Variants in PDE1C observed in about 807,000 individuals in gnomAD.
The protein encoded by PDE1C is dual specificity calcium/calmodulin-dependent 3',5'-cyclic nucleotide phosphodiesterase 1C.
A neutral mutation model predicts 93.1 loss-of-function variants in PDE1C; 62 were observed. That is an observed-to-expected ratio of 0.67 (90% CI 0.54 to 0.82). PDE1C has a LOEUF of 0.82. PDE1C is among the 40% of genes least tolerant of loss of function. The pLI is 0.00. For missense variants in PDE1C, 742 were observed against 884.6 expected (o/e 0.84, Z 2.04); for synonymous variants, 325 against 310.1 (o/e 1.05, Z -0.50).
At chr7:31,624,999 G>T in the PDE1C span, among the ~76,000 whole-genome samples, 1 of 152,190 alleles carries the variant, frequency 6.6e-6, no homozygotes, top group South Asian at 2.1e-4. Flanking sequence ...AGACATTTAT[G>T]CAGTCAAAAA....
chr7:32,256,137 G>C (rs1585037329), intron 1 of PDE1C, among the ~76,000 whole-genome samples: 1 of 152,292 alleles, frequency 6.6e-6, no homozygotes. Flanking sequence ...TAGTTCCAGT[G>C]TGTTTTGCCA....
intron 3 of PDE1C, among the ~76,000 whole-genome samples, chr7:32,123,897 G>A (rs1046472730): frequency 1.3e-5 from 2 of 152,128 alleles, no homozygotes; most frequent in South Asian, 2.1e-4. Flanking sequence ...ATTCAAATAC[G>A]AAGCAAGGAA....
intron 3 of PDE1C, among the ~76,000 whole-genome samples, chr7:32,095,181 A>G (rs1432383142): frequency 6.6e-6 from 1 of 152,250 alleles, no homozygotes; most frequent in African/African-American, 2.4e-5. Flanking sequence ...ATTACAAAAA[A>G]AACAGCCTTG....
intron 1 of PDE1C, among the ~76,000 whole-genome samples, chr7:32,055,876 T>C (rs916804618): frequency 3.9e-5 from 6 of 152,144 alleles, no homozygotes; most frequent in Non-Finnish European, 7.3e-5. Flanking sequence ...CATGCCACCA[T>C]GCCCAGCTAA....
chr7:31,882,816 C>T (rs1050670791), intron 2 of PDE1C, among the ~76,000 whole-genome samples: 4 of 151,956 alleles, frequency 2.6e-5, no homozygotes, highest in Non-Finnish European at 5.9e-5. Flanking sequence ...AAGTAAAAGC[C>T]AGAAGATCCT....
intron 3 of PDE1C, among the ~76,000 whole-genome samples, chr7:32,111,609 G>C (rs1320022047): frequency 6.6e-6 from 1 of 152,062 alleles, no homozygotes; most frequent in Non-Finnish European, 1.5e-5. Context: ...ATGTCTGTTG[G>C]GGAAACTGAG....
chr7:31,643,645 G>A, the PDE1C span: 1 of 1,614,030 alleles, frequency 6.2e-7, no homozygotes, highest in Non-Finnish European at 8.5e-7. Context: ...ACAGTTAAAT[G>A]ATGCTTCCAT....
At chr7:32,278,997 C>G (rs1811460317) in intron 1 of PDE1C, among the ~76,000 whole-genome samples, 1 of 152,100 alleles carries the variant, frequency 6.6e-6, no homozygotes, top group Non-Finnish European at 1.5e-5. Flanking sequence ...TGAAAATTTA[C>G]TAAAAATCAT....
intron 2 of PDE1C, among the ~76,000 whole-genome samples, chr7:31,898,942 C>G (rs924972502): frequency 6.6e-6 from 1 of 152,072 alleles, no homozygotes; most frequent in Non-Finnish European, 1.5e-5. Context: ...GTGGCTTCCT[C>G]CATTGCAACT....
chr7:31,722,687 T>G, the PDE1C span, among the ~76,000 whole-genome samples: 1 of 152,074 alleles, frequency 6.6e-6, no homozygotes, highest in Non-Finnish European at 1.5e-5. Context: ...GGAGAGCTGT[T>G]TCAGGTGGTG....
At chr7:32,077,662 C>T (rs111228446) in intron 3 of PDE1C, among the ~76,000 whole-genome samples, 10,904 of 150,970 alleles carry the variant, frequency 0.072, 432 homozygotes, top group African/African-American at 0.085. Flanking sequence ...ACCTCTCCCT[C>T]CCAGGTTCAA....
intron 7 of PDE1C, among the ~76,000 whole-genome samples, chr7:31,860,967 C>T (rs748226442): frequency 1.3e-5 from 2 of 152,012 alleles, no homozygotes; most frequent in Non-Finnish European, 2.9e-5. Context: ...GTGATTTTCC[C>T]TATTAAGTTG....
the PDE1C span, among the ~76,000 whole-genome samples, chr7:31,667,544 G>A: frequency 6.6e-6 from 1 of 152,118 alleles, no homozygotes; most frequent in Admixed American, 6.5e-5. Context: ...TAGGGGTAGG[G>A]TCACAACAGG....
the PDE1C span, among the ~76,000 whole-genome samples, chr7:31,617,097 A>T: frequency 6.6e-6 from 1 of 152,198 alleles, no homozygotes; most frequent in Admixed American, 6.5e-5. Flanking sequence ...GTTGCACTTC[A>T]GTGGTGGGTG....
upstream of PDE1C, among the ~76,000 whole-genome samples, chr7:32,075,430 C>T (rs715454): frequency 0.29 from 44,563 of 151,918 alleles, 7,561 homozygotes; most frequent in East Asian, 0.49. Context: ...GCGGCCCCCA[C>T]AATGTTCTGT....
intron 1 of PDE1C, among the ~76,000 whole-genome samples, chr7:32,233,778 C>G (rs1348826902): frequency 6.6e-6 from 1 of 151,954 alleles, no homozygotes; most frequent in Non-Finnish European, 1.5e-5. Context: ...GAATGATTAA[C>G]CAGAAAATTA....
Position 32,167,986 on chromosome 7 carries a change from A to G in PDE1C, c.308+1799T>C, listed in dbSNP as rs536765150. Among the ~76,000 whole-genome samples the G allele has an allele frequency of 9.8e-5, 15 of 152,312 alleles. No individual in the cohort carries two copies. In the South Asian group the frequency reaches 2.1e-3, roughly 21 times the overall value. On this transcript the variant is annotated intron_variant, in intron 3 of 18. Transcript: ENST00000396193. ...GATCATGCCACCACAGTTAAGGACA[A>G]TTGCAGAAGAGAATATTTACCATTT...
intron 3 of PDE1C, among the ~76,000 whole-genome samples, chr7:32,112,705 C>A (rs1798711199): frequency 6.6e-6 from 1 of 151,176 alleles, no homozygotes; most frequent in East Asian, 1.9e-4. Context: ...TTCTCCCATC[C>A]TGCCCTAGCC....
the PDE1C span, among the ~76,000 whole-genome samples, chr7:31,721,157 T>C: frequency 6.6e-6 from 1 of 152,122 alleles, no homozygotes; most frequent in African/African-American, 2.4e-5. Flanking sequence ...TCAGCCCTTA[T>C]TGAAAGGGGA....
Sources: gnomAD v4.1 joint callset for allele counts (sites outside exome capture counted in the v4.1 genomes callset) on GRCh38, gnomAD v4.1.1 for gene constraint, MANE v1.5 for transcripts, NCBI Gene and HGNC (gene_info 2026-07-23, HGNC 2026-07-21) for gene names.